The following CMIP variants were observed in gnomAD, a reference collection of about 807,000 sequenced individuals.
CMIP encodes the protein c-Maf inducing protein, also known as C-Maf-inducing protein.
A neutral mutation model predicts 97.3 loss-of-function variants in CMIP; 13 were observed. That is an observed-to-expected ratio of 0.13 (90% CI 0.09 to 0.21). The LOEUF is 0.21. Among genes scored for constraint, CMIP ranks in the 10% least tolerant of loss-of-function variants. The pLI, the probability that CMIP is intolerant of heterozygous loss-of-function variation, is 1.00. For missense variants in CMIP, 847 were observed against 1,024.9 expected (o/e 0.83, Z 2.37); for synonymous variants, 538 against 436.3 (o/e 1.23, Z -2.91).
intron 1 of CMIP, chr16:81,495,241 T>G: frequency 7.9e-7 from 1 of 1,270,414 alleles, no homozygotes; most frequent in African/African-American, 1.5e-5. Context: ...AAACAGACAC[T>G]GATGGTCAGA....
intron 1 of CMIP, chr16:81,518,476 A>G (rs1042531446): frequency 9.8e-5 from 15 of 152,414 alleles, no homozygotes; most frequent in African/African-American, 3.4e-4. Context: ...AGGCTGGACT[A>G]TACCCCTCCA....
At position 81,481,315 on chromosome 16, in the gene CMIP, C is replaced by G. The variant is rs1014031711; in HGVS notation, c.300+35774C>G. Among the ~76,000 whole-genome samples the G allele has an allele frequency of 3.3e-5, 5 of 152,218 alleles. No individual in the cohort carries two copies. The East Asian group carries it at 5.8e-4, about 18-fold the overall frequency. On this transcript the variant is annotated intron_variant, in intron 1 of 20. Coordinates refer to ENST00000537098, the MANE Select transcript of CMIP (RefSeq NM_198390.3). Reference sequence around the variant, plus strand: ...GGCCCTGTCTCTGCATGAGCTCCCTCATTCCAGCCTCATGGCAGGTGTACA... The same window carrying G: ...GGCCCTGTCTCTGCATGAGCTCCCTGATTCCAGCCTCATGGCAGGTGTACA...
chr16:81,579,406 C>T (rs1308544536), intron 1 of CMIP, among the ~76,000 whole-genome samples: 1 of 152,186 alleles, frequency 6.6e-6, no homozygotes, highest in Non-Finnish European at 1.5e-5. Context: ...CCCAAAACAG[C>T]CCTCCAGACC....
chr16:81,495,778 G>A (rs1001699127), intron 1 of CMIP, among the ~76,000 whole-genome samples: 1 of 152,230 alleles, frequency 6.6e-6, no homozygotes, highest in Non-Finnish European at 1.5e-5. Context: ...GTCAGCCATG[G>A]CCACTCACTC....
intron 1 of CMIP, among the ~76,000 whole-genome samples, chr16:81,553,380 C>G (rs983414329): frequency 6.6e-6 from 1 of 152,198 alleles, no homozygotes; most frequent in Non-Finnish European, 1.5e-5. Context: ...AAGTTGAAAG[C>G]AGGACTGGGC....
At chr16:81,585,824 C>G (rs2091372685) in intron 1 of CMIP, among the ~76,000 whole-genome samples, 1 of 152,164 alleles carries the variant, frequency 6.6e-6, no homozygotes, top group Non-Finnish European at 1.5e-5. Flanking sequence ...CTCCTCACTT[C>G]TCAAGATTCG....
At chr16:81,636,111 G>T (rs2092231766) in intron 3 of CMIP, among the ~76,000 whole-genome samples, 1 of 151,904 alleles carries the variant, frequency 6.6e-6, no homozygotes, top group African/African-American at 2.4e-5. Context: ...CTGGGTTGTG[G>T]GTGTGTGTGT....
intron 1 of CMIP, chr16:81,476,089 G>A: frequency 1.3e-6 from 1 of 771,340 alleles, no homozygotes. Context: ...TGGACCCAAA[G>A]TGCTCCATGG....
intron 1 of CMIP, among the ~76,000 whole-genome samples, chr16:81,560,505 A>G (rs964675467): frequency 3.3e-5 from 5 of 152,174 alleles, no homozygotes; most frequent in African/African-American, 1.2e-4. Flanking sequence ...GGCGTGAGCC[A>G]CTGCGCCCAG....
intron 4 of CMIP, among the ~76,000 whole-genome samples, chr16:81,653,142 T>C (rs1201837802): frequency 6.6e-6 from 1 of 152,244 alleles, no homozygotes; most frequent in East Asian, 1.9e-4. Flanking sequence ...CTCGTTTATT[T>C]GCTCACCTGG....
chr16:81,596,472 A>G (rs549270129), intron 1 of CMIP, among the ~76,000 whole-genome samples: 1 of 148,316 alleles, frequency 6.7e-6, no homozygotes, highest in East Asian at 2.0e-4. Context: ...GTGCCATTGC[A>G]TTCCAGCCTG....
At chr16:81,668,935 C>T (rs547499634) in intron 7 of CMIP, among the ~76,000 whole-genome samples, 1 of 149,054 alleles carries the variant, frequency 6.7e-6, no homozygotes, top group African/African-American at 2.5e-5. Context: ...CACGGCCTTC[C>T]ACACCCACCT....
chr16:81,536,364 G>A (rs1428281271), intron 1 of CMIP, among the ~76,000 whole-genome samples: 1 of 152,110 alleles, frequency 6.6e-6, no homozygotes, highest in African/African-American at 2.4e-5. Context: ...TGTGGCCTGT[G>A]TGCTTGCTAT....
chr16:81,569,227 C>CACCT (rs1277597612), intron 1 of CMIP, among the ~76,000 whole-genome samples: 2 of 152,180 alleles, frequency 1.3e-5, no homozygotes, highest in Non-Finnish European at 2.9e-5. Context: ...AGCTCCTGAG[C>CACCT]ACCTGTTGTG....
intron 1 of CMIP, among the ~76,000 whole-genome samples, chr16:81,560,474 T>C (rs1276974482): frequency 6.6e-6 from 1 of 152,190 alleles, no homozygotes; most frequent in Non-Finnish European, 1.5e-5. Context: ...CGCCTCGGCC[T>C]CCCAAAGTGC....
chr16:81,664,225 A>C (rs1331127752), intron 6 of CMIP, 44 bp from the exon 7 acceptor site: 1 of 1,548,754 alleles, frequency 6.5e-7, no homozygotes, highest in Admixed American at 1.9e-5. Flanking sequence ...CTGTGTTCAG[A>C]ACATTCTTAG....
intron 1 of CMIP, among the ~76,000 whole-genome samples, chr16:81,574,863 A>G (rs1447819242): frequency 6.6e-6 from 1 of 152,208 alleles, no homozygotes; most frequent in Non-Finnish European, 1.5e-5. Context: ...GTGGGCAAGG[A>G]CAGGATTGTC....
chr16:81,630,715 A>C (rs2092145125), intron 3 of CMIP: 1 of 152,208 alleles, frequency 6.6e-6, no homozygotes, highest in South Asian at 2.1e-4. Flanking sequence ...TGCCTGCTTC[A>C]TCCAGGTTGA....
intron 1 of CMIP, among the ~76,000 whole-genome samples, chr16:81,533,053 G>T (rs1420949435): frequency 6.6e-6 from 1 of 152,036 alleles, no homozygotes; most frequent in Non-Finnish European, 1.5e-5. Context: ...TCACCTCCTT[G>T]GGCTGTCCTT....
Sources: gnomAD v4.1 joint callset for allele counts (sites outside exome capture counted in the v4.1 genomes callset) on GRCh38, gnomAD v4.1.1 for gene constraint, MANE v1.5 for transcripts, NCBI Gene and HGNC (gene_info 2026-07-23, HGNC 2026-07-21) for gene names.